HTT-AS: variants seen among roughly 807,000 people sequenced by gnomAD.
HTT-AS encodes HTT antisense RNA (head to head).
Position 3,065,344 on chromosome 4 carries a change from G to A in HTT-AS, n.114-1644C>T, listed in dbSNP as rs141806635. On this transcript the variant is annotated intron_variant and non_coding_transcript_variant, in intron 1 of 2. Transcript: ENST00000664062. ...CGCCCCCCGCCTCCCAGGTTCAAGC[G>A]ATTCTCCTGCCTCAGCCTCCCGAGT... 6.7e-3 allele frequency among the ~76,000 whole-genome samples: 1,013 copies of A among 151,908 alleles called. 12 individuals carry two copies. Among genetic ancestry groups the A allele is most frequent in the African/African-American group, 0.023 (947 of 41,414 alleles).
chr4:3,068,333 AGG>A (rs150030659), intron 1 of HTT-AS, among the ~76,000 whole-genome samples: 1 of 142,332 alleles, frequency 7.0e-6, no homozygotes. Context: ...AAAAAAAAAA[AGG>A]GTGACGAAGC....
downstream of HTT-AS, among the ~76,000 whole-genome samples, chr4:3,047,992 A>G (rs2110119340): frequency 6.6e-6 from 1 of 152,316 alleles, no homozygotes; most frequent in African/African-American, 2.4e-5. Context: ...GACCTGACCT[A>G]TCATTGGAGA....
At chr4:3,069,144 G>A (rs997657414) in intron 1 of HTT-AS, among the ~76,000 whole-genome samples, 7 of 147,950 alleles carry the variant, frequency 4.7e-5, no homozygotes, top group African/African-American at 1.8e-4. Flanking sequence ...GGAGACAACG[G>A]TGTATGTTTT....
At chr4:3,053,051 CTGCT>C (rs1445877723) in intron 2 of HTT-AS, among the ~76,000 whole-genome samples, 1 of 152,022 alleles carries the variant, frequency 6.6e-6, no homozygotes, top group African/African-American at 2.4e-5. Flanking sequence ...CCAGCTGTGC[CTGCT>C]TATTATATTA....
At chr4:3,062,310 A>G (rs1711944926) in intron 2 of HTT-AS, among the ~76,000 whole-genome samples, 1 of 152,116 alleles carries the variant, frequency 6.6e-6, no homozygotes, top group African/African-American at 2.4e-5. Flanking sequence ...GATTACAGGC[A>G]TGAGCCAGCA....
chr4:3,062,708 T>C (rs1485464592), exon 2 of HTT-AS, among the ~76,000 whole-genome samples: 2 of 151,962 alleles, frequency 1.3e-5, no homozygotes, highest in Non-Finnish European at 2.9e-5. Context: ...TGCGGTTCTC[T>C]GGACCTCTGC....
chr4:3,056,676 A>G (rs1249197851), intron 2 of HTT-AS, among the ~76,000 whole-genome samples: 1 of 152,194 alleles, frequency 6.6e-6, no homozygotes, highest in Non-Finnish European at 1.5e-5. Flanking sequence ...TGCAGTTTTC[A>G]CCAAAAATCA....
downstream of HTT-AS, among the ~76,000 whole-genome samples, chr4:3,047,627 G>A (rs908130641): frequency 6.6e-6 from 1 of 152,162 alleles, no homozygotes; most frequent in Non-Finnish European, 1.5e-5. Flanking sequence ...TTACTTAGCC[G>A]ACCAGGGAAG....
chr4:3,069,972 T>A (rs1379545222), intron 1 of HTT-AS: 2 of 152,302 alleles, frequency 1.3e-5, no homozygotes, highest in African/African-American at 4.8e-5. Context: ...CCCGCGTGCA[T>A]CCCACCTGGT....
chr4:3,063,029 G>C (rs756971054), exon 2 of HTT-AS, among the ~76,000 whole-genome samples: 8 of 152,224 alleles, frequency 5.3e-5, no homozygotes, highest in Non-Finnish European at 8.8e-5. Flanking sequence ...GGTCCTCCCT[G>C]GGGTTGGAGC....
At chr4:3,073,032 C>G (rs1712223109) in intron 1 of HTT-AS, among the ~76,000 whole-genome samples, 1 of 152,208 alleles carries the variant, frequency 6.6e-6, no homozygotes, top group Admixed American at 6.5e-5. Flanking sequence ...TTCAGGTGAT[C>G]CTCCCACATC....
chr4:3,047,224 T>C (rs1711607439), downstream of HTT-AS, among the ~76,000 whole-genome samples: 1 of 152,052 alleles, frequency 6.6e-6, no homozygotes, highest in African/African-American at 2.4e-5. Context: ...GGCAGGAGAA[T>C]GGCATGAACC....
intron 2 of HTT-AS, among the ~76,000 whole-genome samples, chr4:3,058,983 G>C (rs1469018658): frequency 2.0e-5 from 3 of 152,134 alleles, no homozygotes; most frequent in Admixed American, 6.6e-5. Flanking sequence ...GCCTCCCAAA[G>C]TGTTGGGATT....
chr4:3,056,390 G>A (rs777660246), intron 2 of HTT-AS, among the ~76,000 whole-genome samples: 12 of 152,140 alleles, frequency 7.9e-5, no homozygotes, highest in South Asian at 4.1e-4. Context: ...GTTGCAGCTC[G>A]GCATTTGCCT....
intron 1 of HTT-AS, among the ~76,000 whole-genome samples, chr4:3,072,965 C>G (rs1396430036): frequency 6.6e-6 from 1 of 152,218 alleles, no homozygotes; most frequent in Non-Finnish European, 1.5e-5. Flanking sequence ...CGCTCTATCA[C>G]CCAAGCTGGA....
intron 1 of HTT-AS, among the ~76,000 whole-genome samples, chr4:3,069,000 T>C (rs938144518): frequency 1.3e-5 from 2 of 152,082 alleles, no homozygotes; most frequent in African/African-American, 4.8e-5. Context: ...AATAATACCC[T>C]CCAAATTGGG....
chr4:3,046,978 G>A (rs1457185495), downstream of HTT-AS, among the ~76,000 whole-genome samples: 3 of 152,152 alleles, frequency 2.0e-5, no homozygotes, highest in African/African-American at 7.2e-5. Context: ...GAGGGCACAA[G>A]CTGTTCCAGT....
chr4:3,071,526 C>G (rs77384845), intron 1 of HTT-AS, among the ~76,000 whole-genome samples: 1 of 152,010 alleles, frequency 6.6e-6, no homozygotes, highest in Non-Finnish European at 1.5e-5. Context: ...CAGGGACTGT[C>G]ATACACTAGC....
At chr4:3,047,521 A>T (rs1480447672), downstream of HTT-AS, among the ~76,000 whole-genome samples, 3 of 152,190 alleles carry the variant, frequency 2.0e-5, no homozygotes, top group African/African-American at 7.2e-5. Context: ...GTGAGAAGTG[A>T]CCAGAAGACG....
Sources: allele counts gnomAD v4.1 joint callset (sites outside exome capture counted in the v4.1 genomes callset), GRCh38; gene constraint gnomAD v4.1.1; transcripts MANE v1.5; gene names NCBI Gene and HGNC (gene_info 2026-07-23, HGNC 2026-07-21).